The following MEI4 variants were observed in gnomAD, a reference collection of about 807,000 sequenced individuals.
MEI4 encodes the protein meiotic double-stranded break formation protein 4, also known as meiosis-specific protein MEI4.
A neutral mutation model predicts 31.4 loss-of-function variants in MEI4; 27 were observed. That is an observed-to-expected ratio of 0.86 (90% CI 0.63 to 1.19). MEI4 has a LOEUF of 1.19. Among genes scored for constraint, MEI4 ranks in the 50% most tolerant of loss-of-function variants. The pLI is 0.00. For missense variants in MEI4, 329 were observed against 398.9 expected (o/e 0.82, Z 1.49); for synonymous variants, 122 against 145.4 (o/e 0.84, Z 1.16).
intron 3 of MEI4, among the ~76,000 whole-genome samples, chr6:77,804,938 A>G (rs1375919592): frequency 4.6e-5 from 7 of 152,246 alleles, no homozygotes; most frequent in African/African-American, 1.7e-4. Context: ...TTTATGGGGC[A>G]TTGGATTTTG....
intron 3 of MEI4, among the ~76,000 whole-genome samples, chr6:77,762,729 G>C (rs1056076816): frequency 6.6e-6 from 1 of 151,972 alleles, no homozygotes; most frequent in Non-Finnish European, 1.5e-5. Flanking sequence ...TCTCTATTAA[G>C]GTATGATTTG....
chr6:77,734,579 G>C (rs1055110456), intron 2 of MEI4, among the ~76,000 whole-genome samples: 1 of 152,004 alleles, frequency 6.6e-6, no homozygotes, highest in Non-Finnish European at 1.5e-5. Context: ...GATGGGTCTT[G>C]ACTCTTTATC....
At position 77,925,790 on chromosome 6, in the gene MEI4, G is replaced by T. The variant is rs1159615842; in HGVS notation, c.*2444G>T. On this transcript the variant is annotated 3_prime_UTR_variant, in exon 5 of 5. Transcript: ENST00000684080. Reference sequence around the variant, plus strand: ...ATATGATAATATATTTTATATGAGAGTAAATATATATTAAATATTTTATAT... The same window carrying T: ...ATATGATAATATATTTTATATGAGATTAAATATATATTAAATATTTTATAT... 2.7e-5 allele frequency: 4 copies of T among 147,538 alleles called. No individual in the cohort carries two copies. The East Asian group carries it at 7.9e-4, about 29-fold the overall frequency. The allele number at this position is 147,538 out of a possible 1,614,324, so 9.1% of individuals were successfully genotyped here. A position where few individuals can be genotyped will look rare whatever the true frequency, so the allele number is the denominator to read the frequency against.
intron 1 of MEI4, among the ~76,000 whole-genome samples, chr6:77,679,906 A>G (rs1768920760): frequency 1.3e-5 from 2 of 150,956 alleles, no homozygotes; most frequent in South Asian, 4.2e-4. Context: ...ATGGCTGGCT[A>G]ATTTTTGTAT....
At chr6:77,762,720 C>G (rs1475727835) in intron 3 of MEI4, among the ~76,000 whole-genome samples, 5 of 152,064 alleles carry the variant, frequency 3.3e-5, no homozygotes, top group Non-Finnish European at 7.4e-5. Flanking sequence ...TTCTTTCCTT[C>G]TCTATTAAGG....
At chr6:77,904,312 C>CT (rs554868145) in intron 4 of MEI4, among the ~76,000 whole-genome samples, 2 of 151,924 alleles carry the variant, frequency 1.3e-5, no homozygotes, top group Non-Finnish European at 2.9e-5. Flanking sequence ...TTCTTTCCAA[C>CT]TTTTTTTTGT....
chr6:77,865,009 A>G (rs922898303), intron 4 of MEI4, among the ~76,000 whole-genome samples: 2 of 152,244 alleles, frequency 1.3e-5, no homozygotes, highest in African/African-American at 4.8e-5. Context: ...TGAAGGCAGA[A>G]GTAAATATGT....
chr6:77,706,503 G>T (rs1205963367), intron 2 of MEI4, among the ~76,000 whole-genome samples: 3 of 152,068 alleles, frequency 2.0e-5, no homozygotes, highest in South Asian at 4.1e-4. Flanking sequence ...AATTCCAAAG[G>T]CTCCCATATC....
chr6:77,815,245 T>G (rs922011642), intron 3 of MEI4, among the ~76,000 whole-genome samples: 1 of 152,090 alleles, frequency 6.6e-6, no homozygotes, highest in Non-Finnish European at 1.5e-5. Context: ...TGCTTATCAC[T>G]GTGAGGAGCC....
intron 2 of MEI4, among the ~76,000 whole-genome samples, chr6:77,699,594 C>G (rs1377148479): frequency 2.0e-5 from 3 of 152,336 alleles, no homozygotes; most frequent in Admixed American, 6.5e-5. Flanking sequence ...AAGTCATTCT[C>G]TGTCCAGCTT....
Position 77,792,099 on chromosome 6 carries a change from C to T in MEI4, c.768+30434C>T, listed in dbSNP as rs550824451. Among the ~76,000 whole-genome samples the T allele has an allele frequency of 7.4e-4, 113 of 152,194 alleles. 1 individual carries two copies. In the Middle Eastern group the frequency reaches 0.01, roughly 14 times the overall value. On this transcript the variant is annotated intron_variant, in intron 3 of 4. Transcript: ENST00000684080. ...TAATGTAATGTCCTCCAGGTTCATC[C>T]ATGTTATTGCAGATGACAGGATTTT...
At chr6:77,733,990 A>G (rs940467499) in intron 2 of MEI4, among the ~76,000 whole-genome samples, 2 of 151,912 alleles carry the variant, frequency 1.3e-5, no homozygotes, top group African/African-American at 4.8e-5. Flanking sequence ...GTGGTCTGAG[A>G]GATAGTTTGT....
At chr6:77,692,209 T>C (rs1769170504) in intron 2 of MEI4, among the ~76,000 whole-genome samples, 1 of 152,026 alleles carries the variant, frequency 6.6e-6, no homozygotes, top group Admixed American at 6.6e-5. Context: ...TTTGGTCTTA[T>C]TTTAAGTGAC....
intron 2 of MEI4, among the ~76,000 whole-genome samples, chr6:77,731,248 TG>T (rs1197577527): frequency 6.7e-6 from 1 of 148,152 alleles, no homozygotes; most frequent in African/African-American, 2.5e-5. Context: ...CCACCAACAG[TG>T]TAAAAGTGTT....
rs150559558 is a variant in MEI4 at position 77,819,950 on chromosome 6, C to T, written c.769-8981C>T. 2.2e-4 allele frequency among the ~76,000 whole-genome samples: 33 copies of T among 152,112 alleles called. No homozygotes were observed. The East Asian group carries it at 4.6e-3, about 21-fold the overall frequency. On this transcript the variant is annotated intron_variant, in intron 3 of 4. Transcript: ENST00000684080. ...TAGCTTTTACAATATCTTACTTTTA[C>T]GTGTACCTGCTTTTTTTTCTTTTCT...
At chr6:77,757,975 G>C (rs1767954225) in intron 2 of MEI4, among the ~76,000 whole-genome samples, 1 of 152,018 alleles carries the variant, frequency 6.6e-6, no homozygotes, top group South Asian at 2.1e-4. Flanking sequence ...GGCCAACATG[G>C]TGAAACCCTG....
At chr6:77,699,241 G>A (rs1174670424) in intron 2 of MEI4, among the ~76,000 whole-genome samples, 30 of 147,338 alleles carry the variant, frequency 2.0e-4, no homozygotes, top group Non-Finnish European at 3.0e-5. Context: ...CCAGGCTGGA[G>A]TGCAGTGGCG....
Position 77,923,584 on chromosome 6 carries a change from T to C in MEI4, c.*238T>C, listed in dbSNP as rs1294233437. On this transcript the variant is annotated 3_prime_UTR_variant, in exon 5 of 5. Coordinates refer to ENST00000684080, the MANE Select transcript of MEI4 (RefSeq NM_001322247.2). Reference sequence around the variant, plus strand: ...TGCCATCCTTATTCCCATGTAACTGTATCTTATTTCACTCAATATAGTTTA... The same window carrying C: ...TGCCATCCTTATTCCCATGTAACTGCATCTTATTTCACTCAATATAGTTTA... The C allele has an allele frequency of 3.9e-5, 11 of 283,296 alleles. No individual in the cohort carries two copies. The highest frequency in any genetic ancestry group is 1.3e-5 in the Non-Finnish European group (2 of 155,168). The allele number at this position is 283,296 out of a possible 1,614,324, so 17.5% of individuals were successfully genotyped here. A position where few individuals can be genotyped will look rare whatever the true frequency, so the allele number is the denominator to read the frequency against.
rs1220251759 is a variant in MEI4 at position 77,680,115 on chromosome 6, C to CAAAAAAAAAAAAAAAAAAAAAAAAAA, written c.-14-10529_-14-10528insAAAAAAAAAAAAAAAAAAAAAAAAAA. Among the ~76,000 whole-genome samples the CAAAAAAAAAAAAAAAAAAAAAAAAAA allele has an allele frequency of 1.2e-3, 48 of 39,752 alleles. 8 individuals are homozygous for CAAAAAAAAAAAAAAAAAAAAAAAAAA. The highest frequency in any genetic ancestry group is 3.3e-3 in the African/African-American group (27 of 8,198). The allele number at this position is 39,752 out of a possible 152,430, so 26.1% of individuals were successfully genotyped here. ...TGAAACCCCGTCCCTACTAAAAATA[C>CAAAAAAAAAAAAAAAAAAAAAAAAAA]AAAAAAAAAAAAAATTAGCTGGGCG... On this transcript the variant is annotated intron_variant, in intron 1 of 4. Coordinates refer to ENST00000684080, the MANE Select transcript of MEI4 (RefSeq NM_001322247.2).
Sources: allele counts gnomAD v4.1 joint callset (sites outside exome capture counted in the v4.1 genomes callset), GRCh38; gene constraint gnomAD v4.1.1; transcripts MANE v1.5; gene names NCBI Gene and HGNC (gene_info 2026-07-23, HGNC 2026-07-21).